RD3: variants seen among roughly 807,000 people sequenced by gnomAD.
RD3 encodes the protein protein RD3.
RD3 carries 11 observed loss-of-function variants against 16.9 expected under a neutral mutation model. That is an observed-to-expected ratio of 0.65 (90% CI 0.41 to 1.08). RD3 has a LOEUF of 1.08. Among genes scored for constraint, RD3 ranks in the 50% least tolerant of loss-of-function variants. The probability of loss-of-function intolerance (pLI) is 0.00; values close to 1 mark genes in which losing one functional copy is unlikely to be tolerated. For synonymous variants in RD3, 116 were observed against 114.8 expected (o/e 1.01, Z -0.07); for missense variants, 274 against 267.4 (o/e 1.02, Z -0.17).
chr1:211,483,515 A>C (rs768182718), intron 1 of RD3, among the ~76,000 whole-genome samples: 18 of 152,022 alleles, frequency 1.2e-4, no homozygotes, highest in Non-Finnish European at 2.1e-4. Context: ...GCCTATCACC[A>C]ATGGAGGCTT....
intron 1 of RD3, among the ~76,000 whole-genome samples, chr1:211,483,642 T>A (rs1489269406): frequency 1.3e-5 from 2 of 149,092 alleles, no homozygotes; most frequent in East Asian, 4.1e-4. Context: ...ACCTGCTTTA[T>A]GTGCCCAGAA....
At chr1:211,491,328 G>A (rs768753020) in intron 1 of RD3, among the ~76,000 whole-genome samples, 3 of 152,210 alleles carry the variant, frequency 2.0e-5, no homozygotes, top group Non-Finnish European at 2.9e-5. Flanking sequence ...CTTGGACTTA[G>A]TAGATGCTCG....
Position 211,478,898 on chromosome 1 carries a change from C to A in RD3, c.*138G>T. 1.4e-6 allele frequency: 1 copy of A among 722,346 alleles called. No individual in the cohort carries two copies. Among genetic ancestry groups the A allele is most frequent in the Non-Finnish European group, 2.2e-6 (1 of 458,064 alleles). 44.7% of individuals were successfully genotyped at this position (722,346 alleles called of 1,614,324 possible). On this transcript the variant is annotated 3_prime_UTR_variant, in exon 3 of 3. Coordinates refer to ENST00000680073, the MANE Select transcript of RD3 (RefSeq NM_001164688.2). ...GGCAGGGAGTCGCTTCATTTTATAG[C>A]AGCGTCTTGGGATGGGGCCGCCTCT...
chr1:211,479,402 G>A (rs1475227043), intron 2 of RD3, 75 bp from the exon 3 acceptor site: 6 of 1,408,384 alleles, frequency 4.3e-6, no homozygotes, highest in African/African-American at 1.4e-5. Flanking sequence ...CTAACCCCGA[G>A]GGGCTGCCCG....
At position 211,479,330 on chromosome 1, in the gene RD3, G is replaced by T; in HGVS notation, c.297-3C>A. The T allele has an allele frequency of 6.2e-7, 1 of 1,600,934 alleles. No individual in the cohort carries two copies. On this transcript the variant is annotated splice_polypyrimidine_tract_variant and splice_region_variant and intron_variant, in intron 2 of 2. Transcript: ENST00000680073. ...GCTCCGCCAGCAGCTGCCGGAACCT[G>T]GGCGGGAGGGGAGGGCGCTGGGGAC...
At chr1:211,482,804 G>C (rs1343504324) in intron 1 of RD3, among the ~76,000 whole-genome samples, 1 of 151,774 alleles carries the variant, frequency 6.6e-6, no homozygotes, top group African/African-American at 2.4e-5. Flanking sequence ...GGTCTTCGAG[G>C]GGTCTCACTT....
intron 1 of RD3, among the ~76,000 whole-genome samples, chr1:211,487,579 A>G (rs552213672): frequency 6.6e-6 from 1 of 152,340 alleles, no homozygotes; most frequent in African/African-American, 2.4e-5. Flanking sequence ...ATTCAAGTTT[A>G]AAAGTTGGGA....
intron 1 of RD3, 56 bp from the exon 2 acceptor site, chr1:211,481,482 G>T: frequency 6.6e-7 from 1 of 1,522,238 alleles, no homozygotes; most frequent in Non-Finnish European, 9.0e-7. Context: ...AGTCAGAGTG[G>T]GGAACCTGGG....
In RD3 at chr1:211,490,906, G is replaced by A. The variant is rs370683087; in HGVS notation, c.-12+862C>T. Among the ~76,000 whole-genome samples, 11 of 152,272 alleles carry A rather than the reference G, an allele frequency of 7.2e-5. No homozygotes were observed. The East Asian group carries it at 1.2e-3, about 16-fold the overall frequency. On this transcript the variant is annotated intron_variant, in intron 1 of 2. Transcript: ENST00000680073. ...GGCATCTAGCAAACACGTTTCTCAC[G>A]CTTTGGGTTGTATTTATCTCTTCCC...
chr1:211,480,939 C>T (rs1194345473), intron 2 of RD3, among the ~76,000 whole-genome samples, 181 bp downstream of exon 2: 1 of 152,074 alleles, frequency 6.6e-6, no homozygotes, highest in African/African-American at 2.4e-5. Flanking sequence ...CGCTGGACCC[C>T]TAACCCTAGT....
intron 1 of RD3, among the ~76,000 whole-genome samples, chr1:211,487,352 G>A (rs1705394160): frequency 6.6e-6 from 1 of 152,178 alleles, no homozygotes; most frequent in African/African-American, 2.4e-5. Context: ...AGTGTGGGGT[G>A]AGCAGTTCCT....
intron 1 of RD3, among the ~76,000 whole-genome samples, chr1:211,490,533 G>A (rs1048980493): frequency 6.6e-6 from 1 of 152,248 alleles, no homozygotes; most frequent in Admixed American, 6.5e-5. Context: ...TGGCTCTGCT[G>A]ACGCCAGACG....
chr1:211,481,830 C>T (rs1261787829), intron 1 of RD3, among the ~76,000 whole-genome samples: 3 of 152,196 alleles, frequency 2.0e-5, no homozygotes, highest in Non-Finnish European at 4.4e-5. Context: ...GGGGAACACA[C>T]ACACACACAC....
Position 211,492,046 on chromosome 1 carries a change from TA to T in RD3, c.-291del, listed in dbSNP as rs1251748174. On this transcript the variant is annotated 5_prime_UTR_variant, in exon 1 of 3. It introduces an in-frame stop codon into an upstream open reading frame of the 5' UTR. Coordinates refer to ENST00000680073, the MANE Select transcript of RD3 (RefSeq NM_001164688.2). Reference sequence around the variant, plus strand: ...CCTGGACTATTGTTTGTGGGGTGTGTAGGTGTGTGTGTGTGTGTGTGTGTGT... The same window carrying T: ...CCTGGACTATTGTTTGTGGGGTGTGTGGTGTGTGTGTGTGTGTGTGTGTGT... 2.5e-5 allele frequency: 3 copies of T among 118,842 alleles called. No individual in the cohort carries two copies. Among genetic ancestry groups the T allele is most frequent in the East Asian group, 2.4e-4 (1 of 4,186 alleles). 7.4% of individuals were successfully genotyped at this position (118,842 alleles called of 1,614,324 possible).
At position 211,477,539 on chromosome 1, in the gene RD3, A is replaced by G. The variant is rs1705169444; in HGVS notation, c.*1497T>C. 6.6e-6 allele frequency: 1 copy of G among 152,178 alleles called. No homozygotes were observed. Among genetic ancestry groups the G allele is most frequent in the Non-Finnish European group, 1.5e-5 (1 of 68,052 alleles). The allele number at this position is 152,178 out of a possible 1,614,324, so 9.4% of individuals were successfully genotyped here. A position where few individuals can be genotyped will look rare whatever the true frequency, so the allele number is the denominator to read the frequency against. The stretch of plus-strand genomic sequence containing the variant: ...TAAGATGTTTAAGATGTATATTTTA[A>G]GTGATTCTCAACTTCTACCAATTAC... On this transcript the variant is annotated 3_prime_UTR_variant, in exon 3 of 3. Transcript: ENST00000680073.
At chr1:211,486,218 A>G (rs899918894) in intron 1 of RD3, among the ~76,000 whole-genome samples, 3 of 151,708 alleles carry the variant, frequency 2.0e-5, no homozygotes, top group Non-Finnish European at 2.9e-5. Context: ...TTTAAAAGAA[A>G]AAAAGGCTGG....
At chr1:211,480,716 A>T (rs1179444238) in intron 2 of RD3, among the ~76,000 whole-genome samples, 2 of 152,206 alleles carry the variant, frequency 1.3e-5, no homozygotes, top group Admixed American at 1.3e-4. Flanking sequence ...GAAAGCTAAC[A>T]TAAGCTAAGA....
chr1:211,479,083 G>T lies in RD3; in HGVS notation c.541C>A (p.Leu181Met). The T allele has an allele frequency of 6.2e-7, 1 of 1,610,408 alleles. No homozygotes were observed. ...AATTCGGGCATGCTCCAGGACCGCA[G>T]TGGCGGCGGTGTGTCCCGCTCCACG... ...EDVERDTPPPLRSWSMPEFRA... is the reference protein window; with the variant it reads ...EDVERDTPPPMRSWSMPEFRA... The change falls in exon 3 of 3, where the codon CTG (leucine) becomes ATG (methionine). Residue 181 changes from leucine to methionine, a missense_variant. Transcript: ENST00000680073.
At chr1:211,479,973 T>C (rs1705228828) in intron 2 of RD3, among the ~76,000 whole-genome samples, 1 of 152,204 alleles carries the variant, frequency 6.6e-6, no homozygotes, top group African/African-American at 2.4e-5. Flanking sequence ...GTCTATTTAA[T>C]ACCAGGTTTC....
Sources: gnomAD v4.1 joint callset for allele counts (sites outside exome capture counted in the v4.1 genomes callset) on GRCh38, gnomAD v4.1.1 for gene constraint, MANE v1.5 for transcripts, NCBI Gene and HGNC (gene_info 2026-07-23, HGNC 2026-07-21) for gene names.